Variants in STK33 observed in about 807,000 individuals in gnomAD.
The protein encoded by STK33 is serine/threonine-protein kinase 33.
A neutral mutation model predicts 58.0 loss-of-function variants in STK33; 52 were observed. The observed-to-expected ratio is 0.90, with a 90% CI of 0.72 to 1.13. The LOEUF is 1.13. Ranked by LOEUF, STK33 falls within the 50% of genes most tolerant of loss-of-function variation. The pLI is 0.00. For synonymous variants in STK33, 215 were observed against 200.1 expected, an observed-to-expected ratio of 1.07 and a Z score of -0.63; for missense variants, 630 against 604.2, an observed-to-expected ratio of 1.04 and a Z score of -0.45.
chr11:8,403,534 C>T (rs1344500328), intron 15 of STK33, among the ~76,000 whole-genome samples: 2 of 152,144 alleles, frequency 1.3e-5, no homozygotes, highest in East Asian at 1.9e-4. Flanking sequence ...GCATTCAGGA[C>T]GGTTACATCA....
At chr11:8,499,142 G>C (rs1377728532) in intron 1 of STK33, among the ~76,000 whole-genome samples, 2 of 152,150 alleles carry the variant, frequency 1.3e-5, no homozygotes, top group Non-Finnish European at 2.9e-5. Flanking sequence ...AGAGTGAACA[G>C]GCAACCTACA....
At chr11:8,459,439 C>T (rs1165531976) in intron 8 of STK33, among the ~76,000 whole-genome samples, 1 of 152,120 alleles carries the variant, frequency 6.6e-6, no homozygotes, top group East Asian at 1.9e-4. Context: ...CAAACTTACT[C>T]TAGATTTAGA....
chr11:8,525,327 GT>G (rs567289894), intron 1 of STK33, among the ~76,000 whole-genome samples: 13 of 152,296 alleles, frequency 8.5e-5, no homozygotes, highest in Admixed American at 7.2e-4. Flanking sequence ...AGAAGAAAAA[GT>G]GGGAGGACTT....
chr11:8,421,653 A>G (rs549895893), intron 14 of STK33, among the ~76,000 whole-genome samples: 1 of 152,214 alleles, frequency 6.6e-6, no homozygotes, highest in African/African-American at 2.4e-5. Context: ...CTGAATATGT[A>G]TATCAATACG....
chr11:8,582,188 A>T (rs2030457534), intron 1 of STK33, among the ~76,000 whole-genome samples: 1 of 152,234 alleles, frequency 6.6e-6, no homozygotes, highest in Non-Finnish European at 1.5e-5. Context: ...TGTATTTTTA[A>T]AAAAATCAAT....
chr11:8,454,910 T>G, intron 9 of STK33, 78 bp from the exon 10 acceptor site: 1 of 1,336,386 alleles, frequency 7.5e-7, no homozygotes, highest in Non-Finnish European at 9.8e-7. Context: ...TTAAATATAT[T>G]TGACAAATTA....
At chr11:8,430,788 A>C (rs1318137125) in intron 14 of STK33, among the ~76,000 whole-genome samples, 1 of 152,110 alleles carries the variant, frequency 6.6e-6, no homozygotes, top group Non-Finnish European at 1.5e-5. Flanking sequence ...ATATTTGTTG[A>C]ATTATTGAGT....
intron 12 of STK33, among the ~76,000 whole-genome samples, chr11:8,437,942 G>A (rs1048834342): frequency 3.9e-5 from 6 of 151,914 alleles, no homozygotes; most frequent in African/African-American, 1.5e-4. Flanking sequence ...CTATTGTTTA[G>A]TTTTAAAATG....
Position 8,392,411 on chromosome 11 carries a change from C to A in STK33, c.*99G>T. ...GGGGCTCTGTGGAGCTAAAAGGCTACAAGCTCAGCATAGGGCTGTCTTCTT... is the reference window on the plus strand; with the variant it reads ...GGGGCTCTGTGGAGCTAAAAGGCTAAAAGCTCAGCATAGGGCTGTCTTCTT... On this transcript the variant is annotated 3_prime_UTR_variant, in exon 16 of 16. Coordinates refer to ENST00000687296, the MANE Select transcript of STK33 (RefSeq NM_001352389.2). 7.2e-7 allele frequency: 1 copy of A among 1,389,670 alleles called. No individual in the cohort carries two copies. The highest frequency in any genetic ancestry group is 2.3e-5 in the East Asian group (1 of 43,740). The allele number at this position is 1,389,670 out of a possible 1,614,324, so 86.1% of individuals were successfully genotyped here. A position where few individuals can be genotyped will look rare whatever the true frequency, so the allele number is the denominator to read the frequency against.
chr11:8,465,164 C>T, intron 6 of STK33: 1 of 172,914 alleles, frequency 5.8e-6, no homozygotes, highest in Non-Finnish European at 1.2e-5. Context: ...TATATATATA[C>T]ACACACATAA....
chr11:8,356,683 T>C, the STK33 span, among the ~76,000 whole-genome samples: 2 of 152,138 alleles, frequency 1.3e-5, no homozygotes, highest in African/African-American at 2.4e-5. Context: ...CCTCTGTCCA[T>C]AGCAATTCCT....
intron 1 of STK33, among the ~76,000 whole-genome samples, chr11:8,485,339 C>A (rs1950128464): frequency 6.6e-6 from 1 of 152,140 alleles, no homozygotes; most frequent in Non-Finnish European, 1.5e-5. Context: ...TTTACACAGG[C>A]CTTCAAATTC....
At chr11:8,449,399 A>T (rs1945970062) in intron 11 of STK33, among the ~76,000 whole-genome samples, 1 of 151,656 alleles carries the variant, frequency 6.6e-6, no homozygotes, top group African/African-American at 2.4e-5. Flanking sequence ...TCCAACAATG[A>T]TCAACTGGAT....
the STK33 span, among the ~76,000 whole-genome samples, chr11:8,386,706 CA>C: frequency 6.6e-6 from 1 of 152,148 alleles, no homozygotes; most frequent in Non-Finnish European, 1.5e-5. Context: ...GTGAAAGGGA[CA>C]AAACGTCACT....
intron 14 of STK33, among the ~76,000 whole-genome samples, chr11:8,419,189 G>A (rs1336811056): frequency 6.6e-6 from 1 of 152,076 alleles, no homozygotes; most frequent in African/African-American, 2.4e-5. Context: ...TGCCTAGATT[G>A]TCTTCCAGAG....
intron 1 of STK33, among the ~76,000 whole-genome samples, chr11:8,519,918 A>G (rs1953231113): frequency 6.6e-6 from 1 of 152,196 alleles, no homozygotes; most frequent in Non-Finnish European, 1.5e-5. Context: ...AGAGGTACAA[A>G]GAGGAGCTGG....
At chr11:8,408,894 T>G (rs945711833) in intron 15 of STK33, among the ~76,000 whole-genome samples, 1 of 152,214 alleles carries the variant, frequency 6.6e-6, no homozygotes, top group Non-Finnish European at 1.5e-5. Flanking sequence ...TGTGACAGCA[T>G]ATGTGAAATG....
Position 8,405,061 on chromosome 11 carries a change from A to G in STK33, c.1344+8434T>C, listed in dbSNP as rs576010362. 2.7e-4 allele frequency among the ~76,000 whole-genome samples: 41 copies of G among 152,310 alleles called. No individual in the cohort carries two copies. The South Asian group carries it at 8.5e-3, about 32-fold the overall frequency. ...GCTGAGGCAGGAATTGCTTGAACCCAGGAAGCGGAGGTTGCAGTGAGCTGA... is the reference window on the plus strand; with the variant it reads ...GCTGAGGCAGGAATTGCTTGAACCCGGGAAGCGGAGGTTGCAGTGAGCTGA... On this transcript the variant is annotated intron_variant, in intron 15 of 15. Coordinates refer to ENST00000687296, the MANE Select transcript of STK33 (RefSeq NM_001352389.2).
intron 15 of STK33, among the ~76,000 whole-genome samples, chr11:8,401,013 G>T (rs1482120357): frequency 6.6e-6 from 1 of 152,128 alleles, no homozygotes; most frequent in African/African-American, 2.4e-5. Context: ...TGGGTAGGAA[G>T]AATCAATATC....
Sources: gnomAD v4.1 joint callset for allele counts (sites outside exome capture counted in the v4.1 genomes callset) on GRCh38, gnomAD v4.1.1 for gene constraint, MANE v1.5 for transcripts, NCBI Gene and HGNC (gene_info 2026-07-23, HGNC 2026-07-21) for gene names.